Variants in STIL observed in about 807,000 individuals in gnomAD.
STIL encodes STIL centriolar assembly protein, also known as SCL-interrupting locus protein.
In STIL, 55 loss-of-function variants were observed where a neutral mutation model predicts 110.1. The observed-to-expected ratio is 0.50, with a 90% confidence interval of 0.40 to 0.63. STIL has a LOEUF of 0.63. Ranked by LOEUF, STIL falls within the 20% of genes least tolerant of loss-of-function variation. The pLI, the probability that STIL is intolerant of heterozygous loss-of-function variation, is 0.00. For synonymous variants in STIL, 481 were observed against 530.0 expected (o/e 0.91, Z 1.27); for missense variants, 1,358 against 1,530.0 (o/e 0.89, Z 1.87).
At chr1:47,311,468 G>T (rs1646123868) in intron 1 of STIL, among the ~76,000 whole-genome samples, 1 of 151,474 alleles carries the variant, frequency 6.6e-6, no homozygotes, top group African/African-American at 2.4e-5. Flanking sequence ...TGGATTTTTT[G>T]TAGAGATGGG....
chr1:47,282,649 T>C (rs971197477), intron 10 of STIL, 190 bp from the exon 11 acceptor site: 40 of 559,186 alleles, frequency 7.2e-5, no homozygotes, highest in Admixed American at 1.5e-4. Flanking sequence ...CAGCCAGCCT[T>C]AATAAACTAC....
chr1:47,261,844 A>G (rs1281095997), intron 15 of STIL, among the ~76,000 whole-genome samples: 1 of 151,670 alleles, frequency 6.6e-6, no homozygotes, highest in African/African-American at 2.4e-5. Context: ...CCTGGGAGGC[A>G]GAGGTTACAG....
chr1:47,281,258 T>G, intron 11 of STIL, 49 bp from the exon 12 acceptor site: 1 of 1,551,728 alleles, frequency 6.4e-7, no homozygotes, highest in South Asian at 1.2e-5. Context: ...TTGGAGAAAC[T>G]GTATACTTTA....
At chr1:47,269,275 T>C (rs1176532439) in intron 14 of STIL, among the ~76,000 whole-genome samples, 1 of 151,820 alleles carries the variant, frequency 6.6e-6, no homozygotes, top group African/African-American at 2.4e-5. Context: ...GTCAGTTACA[T>C]AGAAATCATA....
Position 47,280,987 on chromosome 1 carries a change from G to T in STIL, c.1471C>A (p.Gln491Lys), listed in dbSNP as rs1352466529. Residue 491 changes from glutamine to lysine, a missense_variant, in exon 12 of 17, where the codon CAG (glutamine) becomes AAG (lysine). Gln to Lys is a moderately conservative substitution (Grantham distance 53, BLOSUM62 1). Transcript: ENST00000371877. ...AGAGCTGGTTTATCCTGGTTTAACT[G>T]ATTTGGTATTCCTCTCAAGGAAGGC... ...GEPSLRGIPN[Q>K]LNQDKPALLR... 6.2e-7 allele frequency: 1 copy of T among 1,614,068 alleles called. No individual in the cohort carries two copies. The highest frequency in any genetic ancestry group is 8.5e-7 in the Non-Finnish European group (1 of 1,179,998).
intron 8 of STIL, among the ~76,000 whole-genome samples, chr1:47,290,460 C>T (rs749119640): frequency 2.0e-5 from 3 of 152,172 alleles, no homozygotes; most frequent in Non-Finnish European, 2.9e-5. Flanking sequence ...AATCCCAGCA[C>T]TTCGGGAGGC....
chr1:47,305,429 A>T (rs1238334109), intron 2 of STIL: 1 of 154,724 alleles, frequency 6.5e-6, no homozygotes, highest in African/African-American at 2.6e-5. Context: ...CTGGCCAAAA[A>T]ATACTTTTTT....
chr1:47,276,015 CT>C (rs1644980806), intron 12 of STIL, among the ~76,000 whole-genome samples: 2 of 112,038 alleles, frequency 1.8e-5, no homozygotes, highest in Non-Finnish European at 4.0e-5. Context: ...TTTTTTTTTT[CT>C]TTTTGAGACA....
intron 16 of STIL, among the ~76,000 whole-genome samples, chr1:47,254,095 C>T (rs1483432854): frequency 1.4e-5 from 2 of 138,882 alleles, no homozygotes; most frequent in Non-Finnish European, 1.5e-5. Context: ...ACAGGAGAAT[C>T]GGTTAAACAC....
intron 7 of STIL, among the ~76,000 whole-genome samples, chr1:47,294,709 A>G (rs1424595568): frequency 1.3e-5 from 2 of 152,236 alleles, no homozygotes; most frequent in East Asian, 3.8e-4. Flanking sequence ...TATATAAAAA[A>G]AAGTAAACAC....
chr1:47,265,344 G>A (rs11211497), intron 14 of STIL, among the ~76,000 whole-genome samples: 1 of 151,130 alleles, frequency 6.6e-6, no homozygotes, highest in Non-Finnish European at 1.5e-5. Context: ...GAGTTAAGGA[G>A]AATAAATAAA....
intron 14 of STIL, among the ~76,000 whole-genome samples, chr1:47,268,780 TAAATAAATA>T (rs1557719269): frequency 1.3e-5 from 2 of 150,654 alleles, no homozygotes; most frequent in African/African-American, 4.9e-5. Context: ...AATAAATAAA[TAAATAAATA>T]AATTAAATAA....
intron 2 of STIL, among the ~76,000 whole-genome samples, chr1:47,308,577 G>C (rs1177313340): frequency 1.3e-5 from 2 of 151,828 alleles, no homozygotes; most frequent in African/African-American, 4.8e-5. Context: ...GGAACTCATG[G>C]ACACAGAGAG....
chr1:47,286,910 T>C (rs1645317812), intron 10 of STIL, among the ~76,000 whole-genome samples: 1 of 152,164 alleles, frequency 6.6e-6, no homozygotes, highest in South Asian at 2.1e-4. Flanking sequence ...CAGTATTATA[T>C]GTAGATTTAA....
At chr1:47,271,808 CAAAAAAA>C (rs949875842) in intron 13 of STIL, among the ~76,000 whole-genome samples, 9 of 124,280 alleles carry the variant, frequency 7.2e-5, no homozygotes, top group African/African-American at 1.5e-4. Flanking sequence ...GACTCCATTT[CAAAAAAA>C]AAAACAAAAA....
chr1:47,271,066 T>G (rs1290226984), intron 13 of STIL, among the ~76,000 whole-genome samples: 1 of 152,164 alleles, frequency 6.6e-6, no homozygotes, highest in East Asian at 1.9e-4. Flanking sequence ...TTAAATTAAC[T>G]CTTTTTTTAC....
intron 8 of STIL, among the ~76,000 whole-genome samples, chr1:47,292,407 T>C (rs1484674259): frequency 1.3e-5 from 2 of 152,172 alleles, no homozygotes; most frequent in Non-Finnish European, 2.9e-5. Context: ...AAAACACTTT[T>C]AGAAACTTAT....
chr1:47,300,465 T>G (rs1410361828), intron 5 of STIL, among the ~76,000 whole-genome samples: 2 of 128,988 alleles, frequency 1.6e-5, no homozygotes, highest in Non-Finnish European at 3.2e-5. Context: ...AAAATGGACA[T>G]AAAATAATTT....
intron 10 of STIL, among the ~76,000 whole-genome samples, chr1:47,284,750 C>A (rs746882915): frequency 6.6e-6 from 1 of 151,918 alleles, no homozygotes; most frequent in African/African-American, 2.4e-5. Flanking sequence ...ATTAGCCGGG[C>A]GTGGTGATGC....
Sources: gnomAD v4.1 joint callset for allele counts (sites outside exome capture counted in the v4.1 genomes callset) on GRCh38, gnomAD v4.1.1 for gene constraint, MANE v1.5 for transcripts, NCBI Gene and HGNC (gene_info 2026-07-23, HGNC 2026-07-21) for gene names.